The following PDE6A variants were observed in gnomAD, a reference collection of about 807,000 sequenced individuals.
PDE6A encodes rod cGMP-specific 3',5'-cyclic phosphodiesterase subunit alpha.
In PDE6A, 84 loss-of-function variants were observed where a neutral mutation model predicts 106.3. That is an observed-to-expected ratio of 0.79 (90% CI 0.66 to 0.95). PDE6A has a LOEUF of 0.95. Among genes scored for constraint, PDE6A ranks in the 40% least tolerant of loss-of-function variants. The probability of loss-of-function intolerance (pLI) is 0.00; values close to 1 mark genes in which losing one functional copy is unlikely to be tolerated. For missense variants in PDE6A, 1,052 were observed against 1,084.9 expected, an observed-to-expected ratio of 0.97 and a Z score of 0.43; for synonymous variants, 394 against 386.6, an observed-to-expected ratio of 1.02 and a Z score of -0.23.
chr5:149,942,740 G>T (rs899423889), intron 1 of PDE6A, among the ~76,000 whole-genome samples: 6 of 151,972 alleles, frequency 3.9e-5, no homozygotes, highest in African/African-American at 1.4e-4. Context: ...GGGAAAACAT[G>T]TGAGCAAAGG....
In PDE6A at chr5:149,931,089, A is replaced by T; in HGVS notation, c.797T>A (p.Val266Asp). Residue 266 changes from valine to aspartate, a missense_variant, in exon 4 of 22, where the codon GTC becomes GAC. Physicochemically the swap from Val to Asp is radical, Grantham distance 152. This residue lies in a region of PDE6A where 913 missense variants were observed against 915.2 expected (regional missense o/e 1.00). Transcript: ENST00000255266. Reference protein sequence around the residue: ...ERQFHKALYTVRAFLNCDRYS... With the variant: ...ERQFHKALYTDRAFLNCDRYS... ...TCTGTCACAGTTGAGGAAAGCACGG[A>T]CTGTGTACAGGGCTTTGTGGAACTG... 1 of 1,614,060 alleles carries T rather than the reference A, an allele frequency of 6.2e-7. No homozygotes were observed. Among genetic ancestry groups the T allele is most frequent in the Non-Finnish European group, 8.5e-7 (1 of 1,179,896 alleles).
In PDE6A at chr5:149,875,903, TC is replaced by T. The variant is rs112863375; in HGVS notation, c.2135+7525del. Among the ~76,000 whole-genome samples, 29 of 152,234 alleles carry T rather than the reference TC, an allele frequency of 1.9e-4. 1 individual carries two copies. Among genetic ancestry groups the T allele is most frequent in the African/African-American group, 7.0e-4 (29 of 41,466 alleles). ...ACATCTTTCCTTGTCTCTGTAAACC[TC>T]TATTTCCACTTGACTTCCCCACAGA... On this transcript the variant is annotated intron_variant, in intron 17 of 21. Coordinates refer to ENST00000255266, the MANE Select transcript of PDE6A (RefSeq NM_000440.3).
intron 5 of PDE6A, among the ~76,000 whole-genome samples, chr5:149,916,394 C>T (rs1447822210): frequency 1.3e-5 from 2 of 152,162 alleles, no homozygotes; most frequent in Non-Finnish European, 2.9e-5. Context: ...GCCAACCAGC[C>T]ATCCTCCCTG....
chr5:149,926,197 G>T (rs1192838286), intron 4 of PDE6A, among the ~76,000 whole-genome samples: 2 of 151,832 alleles, frequency 1.3e-5, no homozygotes, highest in Admixed American at 1.3e-4. Context: ...AGCCAAAATC[G>T]CACCACTGCA....
rs775248450 is a variant in PDE6A at position 149,921,682 on chromosome 5, T to C, written c.886A>G (p.Met296Val). ...KEFFDVWPVL[M>V]GEVPPYSGPR... The stretch of plus-strand genomic sequence containing the variant: ...CCAGAGTAAGGTGGAACTTCACCCA[T>C]CAGAACCGGCCACACATCAAAAAAT... The change falls in exon 5 of 22, where the codon ATG (methionine) becomes GTG (valine). Residue 296 changes from methionine to valine, a missense_variant. By Grantham distance (21) the Met-to-Val change is conservative. Coordinates refer to ENST00000255266, the MANE Select transcript of PDE6A (RefSeq NM_000440.3). The C allele has an allele frequency of 5.6e-6, 9 of 1,613,682 alleles. No individual in the cohort carries two copies. The African/African-American group carries it at 1.2e-4, about 22-fold the overall frequency.
At chr5:149,928,241 T>A (rs1287151011) in intron 4 of PDE6A, among the ~76,000 whole-genome samples, 13 of 68,660 alleles carry the variant, frequency 1.9e-4, no homozygotes, top group South Asian at 1.0e-3. Context: ...ATTTTTTTTT[T>A]TTTTTTTTTT....
intron 8 of PDE6A, among the ~76,000 whole-genome samples, chr5:149,902,683 G>A (rs1025380893): frequency 2.6e-5 from 4 of 151,782 alleles, no homozygotes; most frequent in South Asian, 2.1e-4. Context: ...TTAGCCGGGC[G>A]TAGTGGCGGG....
At chr5:149,878,432 C>T (rs144541495) in intron 17 of PDE6A, among the ~76,000 whole-genome samples, 11 of 152,156 alleles carry the variant, frequency 7.2e-5, no homozygotes, top group South Asian at 2.1e-4. Flanking sequence ...CTAGGTATTT[C>T]GATTGTTTTC....
At chr5:149,914,356 G>C (rs1753486455) in intron 6 of PDE6A, among the ~76,000 whole-genome samples, 1 of 152,048 alleles carries the variant, frequency 6.6e-6, no homozygotes, top group African/African-American at 2.4e-5. Flanking sequence ...GTTGATCTTG[G>C]AATGAGTATC....
intron 4 of PDE6A, 98 bp downstream of exon 4, chr5:149,930,930 T>C: frequency 1.6e-6 from 2 of 1,241,198 alleles, no homozygotes; most frequent in Non-Finnish European, 1.2e-6. Flanking sequence ...TCACCCAGCC[T>C]CTTCCCCCGT....
At chr5:149,936,323 A>C (rs762915174) in intron 1 of PDE6A, among the ~76,000 whole-genome samples, 2 of 152,222 alleles carry the variant, frequency 1.3e-5, no homozygotes, top group Non-Finnish European at 1.5e-5. Context: ...TAAAGGAATT[A>C]AGAGAAGCTT....
At chr5:149,900,399 C>G (rs867731766) in intron 8 of PDE6A, among the ~76,000 whole-genome samples, 3 of 11,524 alleles carry the variant, frequency 2.6e-4, no homozygotes, top group Non-Finnish European at 9.9e-4. Context: ...ATATATATAT[C>G]CGTTGGTTCA....
chr5:149,924,895 A>C lies in PDE6A; in HGVS notation c.859-3186T>G, dbSNP rs111752718. 1.4e-4 allele frequency among the ~76,000 whole-genome samples: 22 copies of C among 152,290 alleles called. 1 individual carries two copies. Among genetic ancestry groups the C allele is most frequent in the Middle Eastern group, 3.4e-3 (1 of 294 alleles). On this transcript the variant is annotated intron_variant, in intron 4 of 21. Coordinates refer to ENST00000255266, the MANE Select transcript of PDE6A (RefSeq NM_000440.3). ...AGACTCACTGGGCAAGGAGGACAAA[A>C]TTGGAATTCAGAGCCTGCCAAGGAG...
In PDE6A at chr5:149,884,421, T is replaced by G. The variant is rs539217830; in HGVS notation, c.2027+58A>C. 43 of 999,316 alleles carry G rather than the reference T, an allele frequency of 4.3e-5. No individual in the cohort carries two copies. The African/African-American group carries it at 6.9e-4, about 16-fold the overall frequency. The allele number at this position is 999,316 out of a possible 1,614,324, so 61.9% of individuals were successfully genotyped here. The stretch of plus-strand genomic sequence containing the variant: ...ATGTATATATATGTGTGTATATATA[T>G]ATATGCATACATATAATCATTGTTG... On this transcript the variant is annotated intron_variant, in intron 16 of 21. Transcript: ENST00000255266.
chr5:149,892,493 CTT>C (rs56059807), intron 13 of PDE6A, among the ~76,000 whole-genome samples: 143 of 135,428 alleles, frequency 1.1e-3, no homozygotes, highest in African/African-American at 1.7e-3. Flanking sequence ...CTTTTCTTTC[CTT>C]TTTTTTTTTT....
chr5:149,914,430 T>C (rs113470156), intron 6 of PDE6A, among the ~76,000 whole-genome samples: 13 of 152,330 alleles, frequency 8.5e-5, no homozygotes, highest in African/African-American at 3.1e-4. Flanking sequence ...ATAAAAACTA[T>C]AGGAGGCCCT....
chr5:149,892,221 T>A (rs999031944), intron 13 of PDE6A, among the ~76,000 whole-genome samples: 1 of 152,008 alleles, frequency 6.6e-6, no homozygotes, highest in Non-Finnish European at 1.5e-5. Context: ...GAGGCTGAGA[T>A]GGGAGGATCA....
chr5:149,864,809 G>A (rs1221745680), intron 20 of PDE6A, among the ~76,000 whole-genome samples: 1 of 152,196 alleles, frequency 6.6e-6, no homozygotes, highest in Non-Finnish European at 1.5e-5. Context: ...TGCGATCTTG[G>A]GCGGGTCACT....
At chr5:149,916,258 T>C (rs1753548102) in intron 5 of PDE6A, among the ~76,000 whole-genome samples, 1 of 152,236 alleles carries the variant, frequency 6.6e-6, no homozygotes, top group Non-Finnish European at 1.5e-5. Flanking sequence ...ACATTAAATA[T>C]AGAGATTCGT....
Sources: gnomAD v4.1 joint callset for allele counts (sites outside exome capture counted in the v4.1 genomes callset) on GRCh38, gnomAD v4.1.1 for gene constraint, gnomAD v4.1.1 regional missense constraint, MANE v1.5 for transcripts, NCBI Gene and HGNC (gene_info 2026-07-23, HGNC 2026-07-21) for gene names.